The following KMT2E variants were observed in gnomAD, a reference collection of about 807,000 sequenced individuals.
KMT2E encodes lysine methyltransferase 2E (inactive).
A neutral mutation model predicts 184.6 loss-of-function variants in KMT2E; 30 were observed. The ratio of observed to expected loss-of-function variants is 0.16; its 90% CI spans 0.12 to 0.22. The LOEUF is 0.22. Ranked by LOEUF, KMT2E falls within the 10% of genes least tolerant of loss-of-function variation. KMT2E has a pLI of 1.00. For synonymous variants in KMT2E, 815 were observed against 776.5 expected (o/e 1.05, Z -0.82); for missense variants, 2,023 against 2,237.4 (o/e 0.90, Z 1.93).
At position 105,108,925 on chromosome 7, in the gene KMT2E, C is replaced by T. The variant is rs1306873270; in HGVS notation, c.3469-17C>T. The T allele has an allele frequency of 5.1e-6, 8 of 1,572,184 alleles. No homozygotes were observed. Among genetic ancestry groups the T allele is most frequent in the South Asian group, 4.6e-5 (4 of 86,450 alleles). On this transcript the variant is annotated splice_polypyrimidine_tract_variant and intron_variant, in intron 22 of 26. Coordinates refer to ENST00000311117, the MANE Select transcript of KMT2E (RefSeq NM_182931.3). ...CAAGAATAAAAGATTTGCTTTTTCT[C>T]ATCTTTCTTGCTTAAGGTTTCTCTA...
chr7:105,072,894 A>G (rs1053578899), intron 6 of KMT2E, among the ~76,000 whole-genome samples: 3 of 152,136 alleles, frequency 2.0e-5, no homozygotes, highest in African/African-American at 7.2e-5. Context: ...AGCCTGGGCA[A>G]TAAGAGCGAA....
chr7:105,070,335 T>A (rs1421156522), intron 6 of KMT2E, among the ~76,000 whole-genome samples: 1 of 152,010 alleles, frequency 6.6e-6, no homozygotes, highest in Non-Finnish European at 1.5e-5. Flanking sequence ...AATTTTTGTT[T>A]TTTAAGAATT....
chr7:105,037,037 T>C (rs1795689027), intron 1 of KMT2E, among the ~76,000 whole-genome samples: 1 of 152,232 alleles, frequency 6.6e-6, no homozygotes, highest in Non-Finnish European at 1.5e-5. Flanking sequence ...TAATAAGGGC[T>C]GTTTAATTTC....
At chr7:105,089,781 T>C (rs1296394239) in intron 13 of KMT2E, among the ~76,000 whole-genome samples, 3 of 152,090 alleles carry the variant, frequency 2.0e-5, no homozygotes, top group Non-Finnish European at 4.4e-5. Flanking sequence ...GTTATACTTA[T>C]GATTGAAGGC....
At chr7:105,068,656 G>A (rs1051533638) in intron 6 of KMT2E, among the ~76,000 whole-genome samples, 72 of 46,920 alleles carry the variant, frequency 1.5e-3, no homozygotes, top group African/African-American at 4.7e-3. Flanking sequence ...TTTTTTTTTT[G>A]TAGGCACAGG....
intron 1 of KMT2E, among the ~76,000 whole-genome samples, chr7:105,033,688 AT>A (rs1332444475): frequency 6.6e-6 from 1 of 151,980 alleles, no homozygotes; most frequent in Non-Finnish European, 1.5e-5. Context: ...TTTAGTAAAG[AT>A]GGGGTTTCGC....
chr7:105,095,608 T>G (rs1486804292), intron 15 of KMT2E, among the ~76,000 whole-genome samples: 1 of 152,200 alleles, frequency 6.6e-6, no homozygotes, highest in Non-Finnish European at 1.5e-5. Context: ...TATGAACATT[T>G]TCTTTTTCCA....
Position 105,100,113 on chromosome 7 carries a change from C to T in KMT2E, c.1723-1312C>T, listed in dbSNP as rs932503157. Among the ~76,000 whole-genome samples, 7 of 152,152 alleles carry T rather than the reference C, an allele frequency of 4.6e-5. No individual in the cohort carries two copies. In the East Asian group the frequency reaches 5.8e-4, roughly 13 times the overall value. On this transcript the variant is annotated intron_variant, in intron 15 of 26. Transcript: ENST00000311117. ...GACTAGGAGAAGTGAGATACAGATA[C>T]GTAATCCATGAACAAAGAACCTTAC...
intron 22 of KMT2E, 56 bp downstream of exon 22, chr7:105,107,981 T>C: frequency 8.5e-7 from 1 of 1,170,302 alleles, no homozygotes; most frequent in Non-Finnish European, 1.2e-6. Context: ...TTTTTCATAA[T>C]ACTACTGAGG....
intron 6 of KMT2E, among the ~76,000 whole-genome samples, chr7:105,068,639 G>GTTTTTTTTTTT (rs1162488673): frequency 9.0e-6 from 1 of 111,526 alleles, no homozygotes. Context: ...TTTTTTTTTT[G>GTTTTTTTTTTT]TTTTTTTTTT....
intron 3 of KMT2E, 46 bp from the exon 4 acceptor site, chr7:105,062,118 A>G (rs1056264271): frequency 3.5e-6 from 4 of 1,144,364 alleles, no homozygotes; most frequent in Middle Eastern, 2.1e-4. Context: ...GATTAAGAGG[A>G]AAAAAAAAGA....
rs943336561 is a variant in KMT2E, at chr7:105,090,167, A to G, written c.1517A>G (p.Asn506Ser). Residue 506 changes from asparagine (N) to serine (S), a missense_variant, in exon 14 of 27, where the codon AAT becomes AGT. Coordinates refer to ENST00000311117, the MANE Select transcript of KMT2E (RefSeq NM_182931.3). ...ATTTCAAAAGAAAAAGATACACAAA[A>G]TCAGAATATTACTTTGGATTGTGAA... The part of the protein sequence containing the change: ...KDISKEKDTQ[N>S]QNITLDCEGT... The G allele has an allele frequency of 5.6e-6, 9 of 1,613,324 alleles. No homozygotes were observed. In the South Asian group the frequency reaches 9.9e-5, roughly 18 times the overall value.
Position 105,027,445 on chromosome 7 carries a change from A to G in KMT2E, c.-188-10681A>G, listed in dbSNP as rs1186283946. On this transcript the variant is annotated intron_variant, in intron 1 of 26. Coordinates refer to ENST00000311117, the MANE Select transcript of KMT2E (RefSeq NM_182931.3). ...TGTATCCACCAACCTCATTCTTGAC[A>G]TTTCATTTTTGCCTGTATTCTAAAT... Among the ~76,000 whole-genome samples, 4 of 151,948 alleles carry G rather than the reference A, an allele frequency of 2.6e-5. No individual in the cohort carries two copies. In the East Asian group the frequency reaches 7.7e-4, roughly 29 times the overall value.
intron 1 of KMT2E, among the ~76,000 whole-genome samples, chr7:105,031,160 C>T (rs1014759198): frequency 1.3e-5 from 2 of 151,164 alleles, no homozygotes; most frequent in Non-Finnish European, 2.9e-5. Context: ...AGATCGAAAA[C>T]AGCCTGGCCA....
At chr7:105,078,597 A>G (rs536094013) in intron 11 of KMT2E, among the ~76,000 whole-genome samples, 9 of 140,388 alleles carry the variant, frequency 6.4e-5, no homozygotes, top group South Asian at 4.8e-4. Context: ...GGCTCAGGTG[A>G]TCCTCCCACC....
intron 1 of KMT2E, among the ~76,000 whole-genome samples, chr7:105,021,626 C>CT (rs1371460875): frequency 6.6e-6 from 1 of 152,176 alleles, no homozygotes; most frequent in Non-Finnish European, 1.5e-5. Flanking sequence ...TTGATCCCCT[C>CT]TAATTATCTG....
chr7:105,079,375 A>C (rs1797662786), intron 12 of KMT2E, among the ~76,000 whole-genome samples: 1 of 151,162 alleles, frequency 6.6e-6, no homozygotes, highest in South Asian at 2.1e-4. Context: ...ACCTCAGGTG[A>C]TTTGCCCATC....
chr7:105,101,407 A>G lies in KMT2E; in HGVS notation c.1723-18A>G. 6.7e-7 allele frequency: 1 copy of G among 1,495,696 alleles called. No individual in the cohort carries two copies. Among genetic ancestry groups the G allele is most frequent in the East Asian group, 2.4e-5 (1 of 41,756 alleles). 92.7% of individuals were successfully genotyped at this position (1,495,696 alleles called of 1,614,324 possible). ...AGCATTGATATTTATGATGTCACTTAAAATTTAAATTTCATAGACAAGAGA... is the reference window on the plus strand; with the variant it reads ...AGCATTGATATTTATGATGTCACTTGAAATTTAAATTTCATAGACAAGAGA... On this transcript the variant is annotated intron_variant, in intron 15 of 26. Transcript: ENST00000311117.
intron 3 of KMT2E, among the ~76,000 whole-genome samples, chr7:105,043,363 A>G (rs1048765231): frequency 2.0e-4 from 30 of 149,510 alleles, no homozygotes; most frequent in Middle Eastern, 3.2e-3. Flanking sequence ...CAGCCTCCCA[A>G]GTAGCTGGGA....
Sources: gnomAD v4.1 joint callset for allele counts (sites outside exome capture counted in the v4.1 genomes callset) on GRCh38, gnomAD v4.1.1 for gene constraint, MANE v1.5 for transcripts, NCBI Gene and HGNC (gene_info 2026-07-23, HGNC 2026-07-21) for gene names.